The following PCSK2 variants were observed in gnomAD, a reference collection of about 807,000 sequenced individuals.
PCSK2 encodes proprotein convertase subtilisin/kexin type 2, also known as neuroendocrine convertase 2.
In PCSK2, 14 loss-of-function variants were observed where a neutral mutation model predicts 69.7. The ratio of observed to expected loss-of-function variants is 0.20; its 90% CI spans 0.13 to 0.31. PCSK2 has a LOEUF of 0.31. Among genes scored for constraint, PCSK2 ranks in the 10% least tolerant of loss-of-function variants. The pLI, the probability that PCSK2 is intolerant of heterozygous loss-of-function variation, is 1.00. For missense variants in PCSK2, 544 were observed against 842.5 expected (o/e 0.65, Z 4.39); for synonymous variants, 307 against 320.7 (o/e 0.96, Z 0.46).
chr20:17,319,188 A>G (rs959047014), intron 2 of PCSK2, among the ~76,000 whole-genome samples: 1 of 152,194 alleles, frequency 6.6e-6, no homozygotes, highest in South Asian at 2.1e-4. Context: ...CTACGCCCCG[A>G]TAAGATAAAG....
intron 2 of PCSK2, chr20:17,263,261 T>A (rs1037411543): frequency 3.2e-6 from 1 of 312,950 alleles, no homozygotes; most frequent in Non-Finnish European, 4.6e-6. Context: ...AAAAAAGGAC[T>A]AGAAAGAGCT....
At chr20:17,350,105 C>T (rs1353122664) in intron 2 of PCSK2, among the ~76,000 whole-genome samples, 1 of 149,900 alleles carries the variant, frequency 6.7e-6, no homozygotes, top group Non-Finnish European at 1.5e-5. Context: ...TATAATGACA[C>T]CAGCTGTATT....
chr20:17,459,273 A>T (rs964438926), intron 10 of PCSK2, among the ~76,000 whole-genome samples: 1 of 152,158 alleles, frequency 6.6e-6, no homozygotes, highest in Non-Finnish European at 1.5e-5. Flanking sequence ...ATGTTCCTGT[A>T]TGTAGTTATA....
chr20:17,240,817 G>A (rs1986542214), intron 1 of PCSK2, among the ~76,000 whole-genome samples: 1 of 152,130 alleles, frequency 6.6e-6, no homozygotes, highest in Non-Finnish European at 1.5e-5. Flanking sequence ...GGTGTTTGTG[G>A]CTAATCCCTC....
At chr20:17,266,713 G>A (rs78969868) in intron 2 of PCSK2, among the ~76,000 whole-genome samples, 1,748 of 152,220 alleles carry the variant, frequency 0.011, 41 homozygotes, top group African/African-American at 0.039. Context: ...AGGGGCCTCA[G>A]TCAATTTTAC....
intron 2 of PCSK2, among the ~76,000 whole-genome samples, chr20:17,342,533 G>T (rs913983690): frequency 2.6e-5 from 4 of 152,146 alleles, no homozygotes; most frequent in African/African-American, 7.2e-5. Context: ...TGTCCAGGCT[G>T]GTCTCAACTC....
chr20:17,431,897 A>T (rs1291888374), intron 7 of PCSK2, among the ~76,000 whole-genome samples: 1 of 152,180 alleles, frequency 6.6e-6, no homozygotes. Context: ...GAATCTTTCC[A>T]TTCGGGAGCT....
intron 1 of PCSK2, among the ~76,000 whole-genome samples, chr20:17,245,940 T>C (rs1986755366): frequency 1.3e-5 from 2 of 152,184 alleles, no homozygotes; most frequent in Non-Finnish European, 2.9e-5. Context: ...ACCCCCAATA[T>C]ATTAAATGTC....
intron 5 of PCSK2, among the ~76,000 whole-genome samples, chr20:17,404,610 C>A (rs567337749): frequency 6.6e-6 from 1 of 152,350 alleles, no homozygotes; most frequent in South Asian, 2.1e-4. Context: ...GCTTCAAACT[C>A]CCAACAAGGT....
At chr20:17,286,356 C>T (rs564954232) in intron 2 of PCSK2, among the ~76,000 whole-genome samples, 8 of 152,220 alleles carry the variant, frequency 5.3e-5, no homozygotes, top group East Asian at 1.9e-4. Context: ...TAATGTTAAA[C>T]GAAAGAGTTT....
intron 1 of PCSK2, among the ~76,000 whole-genome samples, chr20:17,238,841 AAGAC>A (rs1207354358): frequency 6.6e-6 from 1 of 152,224 alleles, no homozygotes; most frequent in Non-Finnish European, 1.5e-5. Flanking sequence ...CACTTGGTAA[AAGAC>A]AGAATAGGAA....
chr20:17,320,598 G>C (rs752994367), intron 2 of PCSK2, among the ~76,000 whole-genome samples: 1 of 152,186 alleles, frequency 6.6e-6, no homozygotes, highest in Non-Finnish European at 1.5e-5. Context: ...GGCTTGCTGA[G>C]CACCTCTGGG....
At chr20:17,427,150 G>A (rs2032265091) in intron 6 of PCSK2, among the ~76,000 whole-genome samples, 1 of 152,128 alleles carries the variant, frequency 6.6e-6, no homozygotes, top group South Asian at 2.1e-4. Context: ...GCTGTTGTGA[G>A]GATTTAATAG....
chr20:17,315,255 G>A (rs1224021924), intron 2 of PCSK2, among the ~76,000 whole-genome samples: 1 of 151,990 alleles, frequency 6.6e-6, no homozygotes, highest in Non-Finnish European at 1.5e-5. Context: ...GTCTTCCTGA[G>A]TGTGTTGGTT....
chr20:17,469,115 T>C (rs950169228), intron 11 of PCSK2, among the ~76,000 whole-genome samples: 2 of 152,244 alleles, frequency 1.3e-5, no homozygotes, highest in African/African-American at 2.4e-5. Context: ...TTCCTCACCA[T>C]TTTCCAAAGC....
chr20:17,338,217 G>A (rs1990413500), intron 2 of PCSK2, among the ~76,000 whole-genome samples: 1 of 148,666 alleles, frequency 6.7e-6, no homozygotes, highest in African/African-American at 2.5e-5. Flanking sequence ...GTTTTTTTGA[G>A]ACGGAGTCTC....
At chr20:17,425,735 G>A (rs1329150781) in intron 6 of PCSK2, among the ~76,000 whole-genome samples, 1 of 152,186 alleles carries the variant, frequency 6.6e-6, no homozygotes, top group Non-Finnish European at 1.5e-5. Flanking sequence ...CCTCTAAGCA[G>A]TGATTAGGGG....
chr20:17,352,164 A>G (rs1357392440), intron 2 of PCSK2, among the ~76,000 whole-genome samples: 2 of 152,244 alleles, frequency 1.3e-5, no homozygotes, highest in African/African-American at 4.8e-5. Flanking sequence ...GATCTCTACA[A>G]GGAGAACTAC....
intron 6 of PCSK2, among the ~76,000 whole-genome samples, chr20:17,422,175 C>T (rs1440802095): frequency 6.6e-6 from 1 of 152,120 alleles, no homozygotes; most frequent in Non-Finnish European, 1.5e-5. Context: ...CCTGGATGCA[C>T]TTGAGGAGTT....
Sources: allele counts gnomAD v4.1 joint callset (sites outside exome capture counted in the v4.1 genomes callset), GRCh38; gene constraint gnomAD v4.1.1; transcripts MANE v1.5; gene names NCBI Gene and HGNC (gene_info 2026-07-23, HGNC 2026-07-21).